CFAP74: variants seen among roughly 807,000 people sequenced by gnomAD.
CFAP74 encodes cilia and flagella associated protein 74, also known as cilia- and flagella-associated protein 74.
Under a neutral mutation model 188.9 loss-of-function variants are expected in CFAP74, and 124 were observed. That is an observed-to-expected ratio of 0.66 (90% CI 0.57 to 0.76). CFAP74 has a LOEUF of 0.76. Ranked by LOEUF, CFAP74 falls within the 30% of genes least tolerant of loss-of-function variation. The pLI is 0.00. For synonymous variants in CFAP74, 956 were observed against 916.7 expected (o/e 1.04, Z -0.77); for missense variants, 2,198 against 2,165.2 (o/e 1.02, Z -0.30).
At chr1:1,988,830 AC>A (rs1041151638) in intron 3 of CFAP74, 58 bp downstream of exon 3, 1 of 125,902 alleles carries the variant, frequency 7.9e-6, no homozygotes, top group Admixed American at 1.6e-4. Context: ...CCACCCCCCC[AC>A]CCCCACCCCC....
At chr1:1,983,922 C>G (rs1657068576) in intron 6 of CFAP74, 1 of 151,878 alleles carries the variant, frequency 6.6e-6, no homozygotes, top group Non-Finnish European at 1.5e-5. Flanking sequence ...ATCTCCTGAC[C>G]TTGTGATCCA....
chr1:1,970,748 A>T lies in CFAP74; in HGVS notation c.957T>A (p.Ala319=), dbSNP rs1655898410. Residue 319 remains alanine, a synonymous_variant, in exon 10 of 39, where the codon GCT becomes GCA. Coordinates refer to ENST00000682832, the MANE Select transcript of CFAP74 (RefSeq NM_001304360.2). ...CCTGGGCCAGAATCGCCTTCTTCTC[A>T]GCCTGGACCCTCTGCTCCGCCAGCT... ...KAELAEQRVQ[A]EKKAILAQGR... The T allele has an allele frequency of 6.2e-7, 1 of 1,614,164 alleles. No homozygotes were observed.
At chr1:1,960,430 C>G (rs201684913) in intron 14 of CFAP74, among the ~76,000 whole-genome samples, 1 of 152,222 alleles carries the variant, frequency 6.6e-6, no homozygotes, top group East Asian at 1.9e-4. Context: ...GGGCAGGAGC[C>G]AGGAAGAGAG....
intron 2 of CFAP74, among the ~76,000 whole-genome samples, chr1:1,990,027 C>CT (rs58922004): frequency 0.13 from 19,348 of 152,162 alleles, 3,006 homozygotes; most frequent in African/African-American, 0.37. Flanking sequence ...ACAGACAGCT[C>CT]TAAGACTCCA....
In CFAP74 at chr1:1,968,584, C is replaced by G. The variant is rs1655644653; in HGVS notation, c.1245+51G>C. Reference sequence around the variant, plus strand: ...CCACACCTGAGCCCTGAGGCCCCACCTGCCCTCCACAGGTGTGCGGCTTCT... The same window carrying G: ...CCACACCTGAGCCCTGAGGCCCCACGTGCCCTCCACAGGTGTGCGGCTTCT... On this transcript the variant is annotated intron_variant, in intron 11 of 38. Transcript: ENST00000682832. The surrounding 1 kb of genome is among the most constrained non-coding windows in gnomAD (Gnocchi z 4.3). 6.6e-7 allele frequency: 1 copy of G among 1,506,094 alleles called. No homozygotes were observed. The highest frequency in any genetic ancestry group is 2.3e-5 in the East Asian group (1 of 43,610). 93.3% of individuals were successfully genotyped at this position (1,506,094 alleles called of 1,614,324 possible).
chr1:1,967,215 C>G (rs934618583), intron 11 of CFAP74, among the ~76,000 whole-genome samples: 1 of 152,176 alleles, frequency 6.6e-6, no homozygotes, highest in Non-Finnish European at 1.5e-5. Flanking sequence ...TGGTGGTTTC[C>G]TCAGAATGAG....
intron 9 of CFAP74, among the ~76,000 whole-genome samples, chr1:1,971,079 ACACT>A (rs1440855777): frequency 2.7e-5 from 4 of 150,010 alleles, no homozygotes; most frequent in African/African-American, 7.4e-5. Context: ...ACACCTGCAC[ACACT>A]CATACATGCA....
At chr1:1,937,767 A>G (rs1047219640) in intron 25 of CFAP74, among the ~76,000 whole-genome samples, 6 of 152,056 alleles carry the variant, frequency 3.9e-5, no homozygotes, top group Admixed American at 1.3e-4. Flanking sequence ...CCACTTCCTT[A>G]TCCCGCCCTC....
chr1:1,989,405 C>T (rs1363358820), intron 2 of CFAP74, among the ~76,000 whole-genome samples: 1 of 152,258 alleles, frequency 6.6e-6, no homozygotes, highest in Non-Finnish European at 1.5e-5. Flanking sequence ...CACCTGCCTA[C>T]GGCCCCCGAG....
chr1:1,971,248 C>T (rs1382849728), intron 9 of CFAP74, among the ~76,000 whole-genome samples: 1 of 151,236 alleles, frequency 6.6e-6, no homozygotes, highest in Non-Finnish European at 1.5e-5. Context: ...CACATGCACA[C>T]ACTCACGCAT....
rs747611806 is a variant in CFAP74, at chr1:1,990,880, G to A, written c.67+10C>T. ...TGAAACTTCCGTTACTGTGAAAGAA[G>A]CTTTATTACCATCTTCCAAAAGAAG... is the stretch of plus-strand genomic sequence containing the variant. On this transcript the variant is annotated intron_variant, in intron 2 of 38. Coordinates refer to ENST00000682832, the MANE Select transcript of CFAP74 (RefSeq NM_001304360.2). 1.2e-5 allele frequency: 20 copies of A among 1,608,480 alleles called. No individual in the cohort carries two copies. Among genetic ancestry groups the A allele is most frequent in the Non-Finnish European group, 1.6e-5 (19 of 1,177,470 alleles).
At chr1:1,957,576 C>T (rs1323454141) in intron 16 of CFAP74, among the ~76,000 whole-genome samples, 1 of 152,190 alleles carries the variant, frequency 6.6e-6, no homozygotes, top group African/African-American at 2.4e-5. Flanking sequence ...GGTCTCGGTG[C>T]TCCTGTCACA....
chr1:1,954,479 C>T (rs1282067915), intron 18 of CFAP74: 1 of 154,410 alleles, frequency 6.5e-6, no homozygotes, highest in Non-Finnish European at 1.4e-5. Context: ...ACTTGCACAA[C>T]CACTTTGAAA....
intron 10 of CFAP74, among the ~76,000 whole-genome samples, chr1:1,970,346 C>T (rs1479050831): frequency 1.3e-5 from 2 of 152,214 alleles, no homozygotes; most frequent in Admixed American, 1.3e-4. Context: ...GCCCGCCAGT[C>T]CCTCCTTGTG....
chr1:1,962,846 G>A (rs1285456933), intron 14 of CFAP74, among the ~76,000 whole-genome samples: 4 of 152,216 alleles, frequency 2.6e-5, no homozygotes, highest in African/African-American at 7.2e-5. Flanking sequence ...CTGAGATCGT[G>A]CCACTGCACT....
intron 25 of CFAP74, among the ~76,000 whole-genome samples, chr1:1,938,336 A>G (rs76238825): frequency 9.0e-6 from 1 of 111,536 alleles, no homozygotes; most frequent in Admixed American, 9.5e-5. Flanking sequence ...CAAGGCACTC[A>G]CACACACACG....
chr1:1,939,868 G>T, intron 23 of CFAP74, 101 bp from the exon 24 acceptor site: 1 of 1,162,826 alleles, frequency 8.6e-7, no homozygotes, highest in Non-Finnish European at 1.2e-6. Context: ...TTGTGGCCAT[G>T]GCCCACTGTT....
chr1:1,941,933 C>T, intron 22 of CFAP74, 95 bp downstream of exon 22: 2 of 1,257,418 alleles, frequency 1.6e-6, no homozygotes, highest in African/African-American at 1.5e-5. Context: ...ATCCCGGCAG[C>T]AATGAGAACA....
rs1178554282 is a variant in CFAP74 at position 1,930,156 on chromosome 1, G to A, written c.3192C>T (p.Asp1064=). Residue 1064 remains aspartate (D), a synonymous_variant, in exon 26 of 39, where the codon GAC becomes GAT. Coordinates refer to ENST00000682832, the MANE Select transcript of CFAP74 (RefSeq NM_001304360.2). ...THSKPRIGSE[D]ASPMGPTSFE... is the part of the protein sequence containing the mutation. ...AAGACGTGGGCCCCATGGGAGAGGC[G>A]TCCTCTGAGCCAATGCGGGGCTTGG... 18 of 1,535,550 alleles carry A rather than the reference G, an allele frequency of 1.2e-5. No homozygotes were observed. Among genetic ancestry groups the A allele is most frequent in the African/African-American group, 9.6e-5 (7 of 73,036 alleles).
Sources: gnomAD v4.1 joint callset for allele counts (sites outside exome capture counted in the v4.1 genomes callset) on GRCh38, gnomAD v4.1.1 for gene constraint, Gnocchi (gnomAD v3.1) non-coding constraint, MANE v1.5 for transcripts, NCBI Gene and HGNC (gene_info 2026-07-23, HGNC 2026-07-21) for gene names.